The following L3MBTL4 variants were observed in gnomAD, a reference collection of about 807,000 sequenced individuals.
L3MBTL4 encodes the protein L3MBTL histone methyl-lysine binding protein 4, also known as lethal(3)malignant brain tumor-like protein 4.
L3MBTL4 carries 70 observed loss-of-function variants against 84.5 expected under a neutral mutation model. That is an observed-to-expected ratio of 0.83 (90% confidence interval 0.68 to 1.01). The LOEUF (loss-of-function observed/expected upper bound fraction) is 1.01. L3MBTL4 is among the 50% of genes least tolerant of loss of function. L3MBTL4 has a pLI of 0.00. For missense variants in L3MBTL4, 715 were observed against 754.8 expected, an observed-to-expected ratio of 0.95 and a Z score of 0.62; for synonymous variants, 274 against 259.8, an observed-to-expected ratio of 1.05 and a Z score of -0.52.
In L3MBTL4 at chr18:5,956,062, C is replaced by T; in HGVS notation, c.*158G>A. 1.4e-6 allele frequency: 1 copy of T among 691,154 alleles called. No homozygotes were observed. The highest frequency in any genetic ancestry group is 2.6e-5 in the East Asian group (1 of 38,406). 42.8% of individuals were successfully genotyped at this position (691,154 alleles called of 1,614,324 possible). ...GAGTCATTGGCACTGGACCAGTCAT[C>T]AAAATCCTCTAAACATGTAAACAAA... On this transcript the variant is annotated 3_prime_UTR_variant, in exon 19 of 19. Coordinates refer to ENST00000317931, the MANE Select transcript of L3MBTL4 (RefSeq NM_001330559.2).
At chr18:6,035,714 C>T (rs570434095) in intron 16 of L3MBTL4, among the ~76,000 whole-genome samples, 1 of 152,168 alleles carries the variant, frequency 6.6e-6, no homozygotes, top group South Asian at 2.1e-4. Context: ...ATGGGGATGG[C>T]ATTGAATCTG....
intron 1 of L3MBTL4, among the ~76,000 whole-genome samples, chr18:6,347,780 C>T (rs574697725): frequency 6.6e-6 from 1 of 151,942 alleles, no homozygotes; most frequent in South Asian, 2.1e-4. Context: ...GCTATCATCA[C>T]TTCTATTAAT....
At chr18:6,148,449 CTTG>C (rs149520465) in intron 13 of L3MBTL4, among the ~76,000 whole-genome samples, 2,051 of 152,136 alleles carry the variant, frequency 0.013, 65 homozygotes, top group African/African-American at 0.047. Context: ...TTTTATGAGA[CTTG>C]TTGGCTGGTA....
intron 1 of L3MBTL4, among the ~76,000 whole-genome samples, chr18:6,337,089 C>A (rs1455815724): frequency 2.0e-5 from 3 of 151,604 alleles, no homozygotes; most frequent in Non-Finnish European, 4.4e-5. Context: ...AGAACATATC[C>A]AAACTAAACA....
chr18:6,155,162 G>A (rs902113096), intron 13 of L3MBTL4, among the ~76,000 whole-genome samples: 3 of 152,150 alleles, frequency 2.0e-5, no homozygotes, highest in Non-Finnish European at 2.9e-5. Context: ...GGTAATGCAG[G>A]AGAAAAAGGA....
At chr18:6,205,340 G>C (rs753818766) in intron 12 of L3MBTL4, among the ~76,000 whole-genome samples, 8 of 152,214 alleles carry the variant, frequency 5.3e-5, no homozygotes, top group African/African-American at 1.9e-4. Flanking sequence ...CAGCCTTGCG[G>C]ACACCTTCAT....
At chr18:6,191,306 G>C (rs982263707) in intron 12 of L3MBTL4, among the ~76,000 whole-genome samples, 1 of 152,148 alleles carries the variant, frequency 6.6e-6, no homozygotes, top group African/African-American at 2.4e-5. Flanking sequence ...TGGGGAAAGA[G>C]GCCTGCTTCT....
chr18:6,175,134 A>G (rs189791147), intron 12 of L3MBTL4, among the ~76,000 whole-genome samples: 88 of 152,312 alleles, frequency 5.8e-4, no homozygotes, highest in African/African-American at 2.1e-3. Context: ...TAGGCAAATC[A>G]TAGACCACTG....
At chr18:6,023,704 G>A (rs1054703979) in intron 16 of L3MBTL4, among the ~76,000 whole-genome samples, 9 of 152,254 alleles carry the variant, frequency 5.9e-5, no homozygotes, top group South Asian at 2.1e-4. Context: ...GTCATATACC[G>A]TGATAATAAA....
chr18:6,186,826 G>A (rs1325288453), intron 12 of L3MBTL4, among the ~76,000 whole-genome samples: 3 of 152,212 alleles, frequency 2.0e-5, no homozygotes, highest in Admixed American at 6.5e-5. Flanking sequence ...GAAGCCGTGG[G>A]AGGCCAGCAG....
At chr18:6,073,873 A>C (rs1252752454) in intron 16 of L3MBTL4, among the ~76,000 whole-genome samples, 1 of 152,114 alleles carries the variant, frequency 6.6e-6, no homozygotes, top group Non-Finnish European at 1.5e-5. Context: ...TTAAAAAAAA[A>C]CTTATCACGA....
chr18:6,329,457 G>A (rs980024045), intron 1 of L3MBTL4, among the ~76,000 whole-genome samples: 1 of 151,980 alleles, frequency 6.6e-6, no homozygotes, highest in Non-Finnish European at 1.5e-5. Flanking sequence ...CCAGCCTTCT[G>A]TTTCTTTTTA....
At chr18:6,158,429 G>A (rs1241818196) in intron 13 of L3MBTL4, among the ~76,000 whole-genome samples, 2 of 152,166 alleles carry the variant, frequency 1.3e-5, no homozygotes, top group Non-Finnish European at 2.9e-5. Flanking sequence ...AGAGAAGACA[G>A]CATATATATA....
intron 1 of L3MBTL4, among the ~76,000 whole-genome samples, chr18:6,373,848 T>C (rs983465772): frequency 6.6e-6 from 1 of 152,118 alleles, no homozygotes; most frequent in Admixed American, 6.5e-5. Context: ...TAAACTTGAA[T>C]GTGACAGATT....
chr18:6,107,795 C>A (rs1259043429), intron 14 of L3MBTL4, among the ~76,000 whole-genome samples: 2 of 152,132 alleles, frequency 1.3e-5, no homozygotes, highest in Admixed American at 6.5e-5. Flanking sequence ...GTGGCTGAAG[C>A]AGAAGATAGA....
rs1289992833 is a variant in L3MBTL4 at position 6,071,655 on chromosome 18, A to G, written c.1444+9226T>C. On this transcript the variant is annotated intron_variant, in intron 16 of 18. Coordinates refer to ENST00000317931, the MANE Select transcript of L3MBTL4 (RefSeq NM_001330559.2). ...CCATAAAAAAGAAAGAAAGAAAAAG[A>G]AGAAAGAAAGAAGGAAAAAAAGAAA... Among the ~76,000 whole-genome samples, 3 of 147,912 alleles carry G rather than the reference A, an allele frequency of 2.0e-5. No individual in the cohort carries two copies. In the East Asian group the frequency reaches 5.9e-4, roughly 29 times the overall value.
chr18:6,196,882 C>T (rs1269881049), intron 12 of L3MBTL4, among the ~76,000 whole-genome samples: 2 of 152,224 alleles, frequency 1.3e-5, no homozygotes, highest in African/African-American at 4.8e-5. Context: ...AAACTAGGGT[C>T]CTTTCCTTTT....
intron 1 of L3MBTL4, chr18:6,396,983 T>G (rs1223850109): frequency 6.6e-6 from 1 of 152,200 alleles, no homozygotes; most frequent in South Asian, 2.1e-4. Flanking sequence ...GTAAACGTTT[T>G]AAGTGTAAAA....
intron 13 of L3MBTL4, among the ~76,000 whole-genome samples, chr18:6,160,452 C>T (rs953478098): frequency 6.6e-6 from 1 of 152,150 alleles, no homozygotes. Flanking sequence ...ACAGAGTTGG[C>T]CAGGGGCGGT....
Sources: allele counts gnomAD v4.1 joint callset (sites outside exome capture counted in the v4.1 genomes callset), GRCh38; gene constraint gnomAD v4.1.1; transcripts MANE v1.5; gene names NCBI Gene and HGNC (gene_info 2026-07-23, HGNC 2026-07-21).